The following ALK variants were observed in gnomAD, a reference collection of about 807,000 sequenced individuals.
ALK encodes ALK tyrosine kinase receptor.
A neutral mutation model predicts 163.1 loss-of-function variants in ALK; 74 were observed. The observed-to-expected ratio is 0.45, with a 90% CI of 0.38 to 0.55. The LOEUF (loss-of-function observed/expected upper bound fraction) is 0.55. Among genes scored for constraint, ALK ranks in the 20% least tolerant of loss-of-function variants. ALK has a pLI of 0.00. For synonymous variants in ALK, 960 were observed against 843.2 expected (o/e 1.14, Z -2.40); for missense variants, 2,063 against 2,105.3 (o/e 0.98, Z 0.39).
At chr2:29,210,849 G>A (rs1375322560) in intron 24 of ALK, among the ~76,000 whole-genome samples, 3 of 152,146 alleles carry the variant, frequency 2.0e-5, no homozygotes, top group Non-Finnish European at 4.4e-5. Context: ...CTGCTTTCCT[G>A]TAGCCTGCCT....
chr2:29,481,405 G>A (rs112222530), intron 4 of ALK, among the ~76,000 whole-genome samples: 2,577 of 152,214 alleles, frequency 0.017, 28 homozygotes, highest in Middle Eastern at 0.071. Context: ...TAAGATTCCT[G>A]GAAACTACAA....
At chr2:29,744,675 A>T (rs79547052) in intron 1 of ALK, among the ~76,000 whole-genome samples, 417 of 152,230 alleles carry the variant, frequency 2.7e-3, no homozygotes, top group African/African-American at 9.7e-3. Flanking sequence ...ATCACAGCTC[A>T]TGGCAGCCTC....
intron 1 of ALK, among the ~76,000 whole-genome samples, chr2:29,836,465 G>A (rs928660294): frequency 3.9e-5 from 6 of 152,112 alleles, no homozygotes; most frequent in African/African-American, 1.2e-4. Context: ...TGGAATGCTC[G>A]TGTCAGCAAT....
chr2:29,449,051 C>T (rs544309681), intron 4 of ALK, among the ~76,000 whole-genome samples: 193 of 152,256 alleles, frequency 1.3e-3, no homozygotes, highest in African/African-American at 4.3e-3. Flanking sequence ...TGCACAAAGG[C>T]CATAAACAAT....
intron 15 of ALK, among the ~76,000 whole-genome samples, chr2:29,231,708 A>C (rs1042315149): frequency 6.6e-6 from 1 of 152,238 alleles, no homozygotes; most frequent in African/African-American, 2.4e-5. Flanking sequence ...TGGAAAAGAA[A>C]ATACAAAAAG....
At chr2:29,302,999 C>A (rs1002449274) in intron 8 of ALK, among the ~76,000 whole-genome samples, 1 of 151,996 alleles carries the variant, frequency 6.6e-6, no homozygotes, top group Non-Finnish European at 1.5e-5. Context: ...AAAGCAAATG[C>A]AACAAAAACA....
chr2:29,330,588 A>G (rs951676587), intron 5 of ALK, among the ~76,000 whole-genome samples: 62 of 152,312 alleles, frequency 4.1e-4, no homozygotes, highest in African/African-American at 1.3e-3. Flanking sequence ...CAGACCCCCA[A>G]ATAGACACAT....
At chr2:29,367,064 A>G (rs1668526034) in intron 5 of ALK, among the ~76,000 whole-genome samples, 1 of 152,080 alleles carries the variant, frequency 6.6e-6, no homozygotes, top group African/African-American at 2.4e-5. Flanking sequence ...TTGAAAATAC[A>G]AGCCGAGATA....
At chr2:29,639,903 T>G (rs1312245404) in intron 3 of ALK, among the ~76,000 whole-genome samples, 1 of 152,156 alleles carries the variant, frequency 6.6e-6, no homozygotes, top group East Asian at 1.9e-4. Flanking sequence ...CATCCACATA[T>G]CCTCCCAGAG....
intron 4 of ALK, among the ~76,000 whole-genome samples, chr2:29,448,060 C>G (rs1051920784): frequency 2.0e-5 from 3 of 152,172 alleles, no homozygotes; most frequent in Non-Finnish European, 2.9e-5. Flanking sequence ...AGGCCAGATG[C>G]AGCAATTTAT....
At chr2:29,515,350 G>C (rs1672633067) in intron 4 of ALK, among the ~76,000 whole-genome samples, 1 of 152,188 alleles carries the variant, frequency 6.6e-6, no homozygotes, top group African/African-American at 2.4e-5. Context: ...TCTCTAGCAT[G>C]TGAGCTTCCT....
intron 1 of ALK, among the ~76,000 whole-genome samples, chr2:29,862,913 A>G (rs1666331201): frequency 6.6e-6 from 1 of 152,282 alleles, no homozygotes; most frequent in South Asian, 2.1e-4. Flanking sequence ...GCACAAAAAC[A>G]GATGTATAGA....
intron 4 of ALK, among the ~76,000 whole-genome samples, chr2:29,464,179 CA>C (rs1461324029): frequency 1.3e-5 from 2 of 151,900 alleles, no homozygotes; most frequent in Non-Finnish European, 2.9e-5. Context: ...ACCAGGCATT[CA>C]AAAAAGAAGA....
chr2:29,753,784 GA>G (rs1680439965), intron 1 of ALK, among the ~76,000 whole-genome samples: 1 of 152,148 alleles, frequency 6.6e-6, no homozygotes, highest in Non-Finnish European at 1.5e-5. Flanking sequence ...CAGACTCCAA[GA>G]AACTTTTTCT....
intron 3 of ALK, among the ~76,000 whole-genome samples, chr2:29,693,274 G>A (rs1678454418): frequency 6.6e-6 from 1 of 152,110 alleles, no homozygotes; most frequent in South Asian, 2.1e-4. Flanking sequence ...TAGTAGAAAT[G>A]TAAAATACAC....
chr2:29,783,667 G>A (rs1268803490), intron 1 of ALK, among the ~76,000 whole-genome samples: 1 of 152,184 alleles, frequency 6.6e-6, no homozygotes, highest in Non-Finnish European at 1.5e-5. Flanking sequence ...GAGAGGAGTT[G>A]GTTTAGCTGT....
At chr2:29,392,045 G>A (rs1669188203) in intron 4 of ALK, among the ~76,000 whole-genome samples, 1 of 152,166 alleles carries the variant, frequency 6.6e-6, no homozygotes, top group South Asian at 2.1e-4. Flanking sequence ...TTATGCTAGT[G>A]TTTCTTTTCT....
chr2:29,675,452 C>T (rs1431122986), intron 3 of ALK, among the ~76,000 whole-genome samples: 1 of 151,770 alleles, frequency 6.6e-6, no homozygotes, highest in Non-Finnish European at 1.5e-5. Flanking sequence ...TTAAAGGCAG[C>T]CTGCGTCTTC....
chr2:29,612,070 T>C (rs1482401685), intron 3 of ALK, among the ~76,000 whole-genome samples: 1 of 152,172 alleles, frequency 6.6e-6, no homozygotes, highest in East Asian at 1.9e-4. Context: ...GCTCAGGGCC[T>C]GGAAGTGGCC....
Sources: gnomAD v4.1 joint callset for allele counts (sites outside exome capture counted in the v4.1 genomes callset) on GRCh38, gnomAD v4.1.1 for gene constraint, MANE v1.5 for transcripts, NCBI Gene and HGNC (gene_info 2026-07-23, HGNC 2026-07-21) for gene names.